Variants in ZBBX observed in about 807,000 individuals in gnomAD.
The protein encoded by ZBBX is zinc finger B-box domain-containing protein 1.
A neutral mutation model predicts 108.5 loss-of-function variants in ZBBX; 101 were observed. That is an observed-to-expected ratio of 0.93 (90% CI 0.79 to 1.10). The LOEUF is 1.10. Among genes scored for constraint, ZBBX ranks in the 50% least tolerant of loss-of-function variants. The pLI, the probability that ZBBX is intolerant of heterozygous loss-of-function variation, is 0.00. For synonymous variants in ZBBX, 356 were observed against 323.4 expected (o/e 1.10, Z -1.08); for missense variants, 1,009 against 941.4 (o/e 1.07, Z -0.94).
chr3:167,382,805 G>C (rs78229545), upstream of ZBBX, among the ~76,000 whole-genome samples: 3,437 of 152,042 alleles, frequency 0.023, 68 homozygotes, highest in Non-Finnish European at 0.036. Context: ...ATGTTTATTT[G>C]AAGATTTTTT....
At chr3:167,312,003 T>A (rs906478334) in intron 16 of ZBBX, among the ~76,000 whole-genome samples, 1 of 152,208 alleles carries the variant, frequency 6.6e-6, no homozygotes, top group African/African-American at 2.4e-5. Flanking sequence ...AGTAGTTTTG[T>A]TCATAATTGC....
chr3:167,218,168 A>T, the ZBBX span, among the ~76,000 whole-genome samples: 1 of 152,146 alleles, frequency 6.6e-6, no homozygotes, highest in Non-Finnish European at 1.5e-5. Flanking sequence ...TGAGCTTAAT[A>T]CCTGGGTGAT....
chr3:167,377,571 C>A (rs1747160621), intron 2 of ZBBX, among the ~76,000 whole-genome samples: 1 of 151,766 alleles, frequency 6.6e-6, no homozygotes, highest in Non-Finnish European at 1.5e-5. Flanking sequence ...AAATCAGAGA[C>A]CCAAGAAAGA....
chr3:167,278,557 T>C (rs1328151774), intron 20 of ZBBX, among the ~76,000 whole-genome samples: 2 of 146,714 alleles, frequency 1.4e-5, no homozygotes, highest in African/African-American at 2.6e-5. Flanking sequence ...CAGGAAGAAG[T>C]TGAATCTCTG....
At chr3:167,401,144 T>C (rs1489683787) in intron 1 of ZBBX, among the ~76,000 whole-genome samples, 3 of 152,192 alleles carry the variant, frequency 2.0e-5, no homozygotes, top group African/African-American at 7.2e-5. Context: ...ACTAGTTATT[T>C]TAAACTAATA....
intron 1 of ZBBX, among the ~76,000 whole-genome samples, chr3:167,401,678 TG>T (rs1748429109): frequency 6.6e-6 from 1 of 152,114 alleles, no homozygotes; most frequent in Non-Finnish European, 1.5e-5. Context: ...ATCTTGGTTT[TG>T]GTTGGTTTTA....
In ZBBX at chr3:167,298,521, T is replaced by C. The variant is rs551414998; in HGVS notation, c.1726-63A>G. 1.0e-4 allele frequency: 125 copies of C among 1,238,868 alleles called. 1 individual carries two copies. The highest frequency in any genetic ancestry group is 3.0e-4 in the Middle Eastern group (1 of 3,350). 76.7% of individuals were successfully genotyped at this position (1,238,868 alleles called of 1,614,324 possible). A position where few individuals can be genotyped will look rare whatever the true frequency, so the allele number is the denominator to read the frequency against. On this transcript the variant is annotated intron_variant, in intron 17 of 21. Transcript: ENST00000675490. The stretch of plus-strand genomic sequence containing the variant: ...TCATTAACACAAACAAGCATATTCA[T>C]TTATCAGATACCTACTTGGTATCTG...
chr3:167,229,006 T>C, the ZBBX span, among the ~76,000 whole-genome samples: 1 of 151,922 alleles, frequency 6.6e-6, no homozygotes, highest in East Asian at 1.9e-4. Flanking sequence ...GAATGGTAAA[T>C]CCCTAGAGGT....
intron 8 of ZBBX, 28 bp from the exon 9 acceptor site, chr3:167,350,543 A>G: frequency 1.4e-6 from 2 of 1,470,844 alleles, no homozygotes; most frequent in Non-Finnish European, 9.3e-7. Flanking sequence ...AAAAAATTAT[A>G]CAATCTTATA....
intron 5 of ZBBX, 123 bp from the exon 6 acceptor site, chr3:167,366,099 C>A: frequency 5.4e-6 from 3 of 555,506 alleles, no homozygotes; most frequent in Non-Finnish European, 3.1e-6. Flanking sequence ...AGTAAACAAG[C>A]AAAACATGAA....
At chr3:167,248,588 A>G in intron 20 of ZBBX, 1 of 456,648 alleles carries the variant, frequency 2.2e-6, no homozygotes, top group Non-Finnish European at 4.4e-6. Context: ...CTAAACAGAT[A>G]TAAACAGCCT....
rs1737745236 is a variant in ZBBX, at chr3:167,328,109, A to T, written c.695T>A (p.Ile232Asn). Reference protein sequence around the residue: ...LLQRSSSEVEITTMKRAQRTK... With the variant: ...LLQRSSSEVENTTMKRAQRTK... ...ACGTTGTGCTCTTTTCATCGTTGTA[A>T]TTTCTACCTAATTAAAAGGATACAT... The change falls in exon 11 of 22, where the codon ATT becomes AAT. Residue 232 changes from isoleucine (I) to asparagine (N), a missense_variant. Ile to Asn is a moderately radical substitution (Grantham distance 149). Transcript: ENST00000675490. 6.2e-7 allele frequency: 1 copy of T among 1,608,700 alleles called. No homozygotes were observed. Among genetic ancestry groups the T allele is most frequent in the African/African-American group, 1.3e-5 (1 of 74,472 alleles).
At chr3:167,316,734 A>G (rs142410154) in intron 14 of ZBBX, among the ~76,000 whole-genome samples, 131 of 152,200 alleles carry the variant, frequency 8.6e-4, no homozygotes, top group Admixed American at 2.4e-3. Flanking sequence ...CATATCTATA[A>G]GTTAAAATAG....
At chr3:167,250,500 T>A (rs1178005081) in intron 20 of ZBBX, among the ~76,000 whole-genome samples, 1 of 151,520 alleles carries the variant, frequency 6.6e-6, no homozygotes, top group Admixed American at 6.6e-5. Context: ...ATAATACACA[T>A]GTTTCACCCA....
intron 20 of ZBBX, among the ~76,000 whole-genome samples, chr3:167,253,939 A>G (rs945426459): frequency 1.3e-5 from 2 of 152,216 alleles, no homozygotes; most frequent in African/African-American, 4.8e-5. Context: ...GAGCAAAATT[A>G]ACCTCAAAGA....
chr3:167,291,323 G>A lies in ZBBX; in HGVS notation c.1880-2340C>T, dbSNP rs149002043. 5.2e-3 allele frequency among the ~76,000 whole-genome samples: 793 copies of A among 151,964 alleles called. 5 individuals carry two copies. Among genetic ancestry groups the A allele is most frequent in the Non-Finnish European group, 7.1e-3 (480 of 67,964 alleles). On this transcript the variant is annotated intron_variant, in intron 18 of 21. Transcript: ENST00000675490. ...AGCCAGAGAGAAAGGTTGGGTTACC[G>A]ACAAAGGGAGGCCCATCAGACTAAC...
In ZBBX at chr3:167,271,456, G is replaced by A. The variant is rs757621356; in HGVS notation, c.2254+10782C>T. ...TACTGCAGTCCCTGTCTTCTCAGCCGTGGAAAAAGAAAAATTAATAAAAAT... is the reference window on the plus strand; with the variant it reads ...TACTGCAGTCCCTGTCTTCTCAGCCATGGAAAAAGAAAAATTAATAAAAAT... On this transcript the variant is annotated intron_variant, in intron 20 of 21. Transcript: ENST00000675490. 8.5e-5 allele frequency among the ~76,000 whole-genome samples: 13 copies of A among 152,176 alleles called. No homozygotes were observed. The South Asian group carries it at 1.0e-3, about 12-fold the overall frequency.
At chr3:167,292,785 A>G (rs1241553568) in intron 18 of ZBBX, among the ~76,000 whole-genome samples, 1 of 152,210 alleles carries the variant, frequency 6.6e-6, no homozygotes, top group African/African-American at 2.4e-5. Flanking sequence ...AAAGACCAAC[A>G]AAGTAGATAG....
chr3:167,220,133 C>A, the ZBBX span, among the ~76,000 whole-genome samples: 1 of 151,908 alleles, frequency 6.6e-6, no homozygotes, highest in Admixed American at 6.6e-5. Flanking sequence ...ACAATAGCTT[C>A]ACTGCTGAAT....
Sources: gnomAD v4.1 joint callset for allele counts (sites outside exome capture counted in the v4.1 genomes callset) on GRCh38, gnomAD v4.1.1 for gene constraint, MANE v1.5 for transcripts, NCBI Gene and HGNC (gene_info 2026-07-23, HGNC 2026-07-21) for gene names.